CUL5: variants seen among roughly 807,000 people sequenced by gnomAD.
CUL5 encodes cullin-5.
CUL5 carries 26 observed loss-of-function variants against 108.8 expected under a neutral mutation model. The observed-to-expected ratio is 0.24, with a 90% CI of 0.18 to 0.33. The LOEUF (loss-of-function observed/expected upper bound fraction) is 0.33, where lower values mean the gene tolerates loss of function less well. CUL5 is among the 10% of genes least tolerant of loss of function. The pLI, the probability that CUL5 is intolerant of heterozygous loss-of-function variation, is 1.00. For synonymous variants in CUL5, 334 were observed against 298.0 expected (o/e 1.12, Z -1.25); for missense variants, 524 against 909.2 (o/e 0.58, Z 5.45).
At chr11:108,048,770 G>A (rs1472034088) in intron 3 of CUL5, among the ~76,000 whole-genome samples, 5 of 148,190 alleles carry the variant, frequency 3.4e-5, no homozygotes, top group East Asian at 2.0e-4. Flanking sequence ...GGATTCAAGC[G>A]ATTCTCCTGC....
chr11:108,058,422 G>A (rs1049499128), intron 7 of CUL5, among the ~76,000 whole-genome samples: 3 of 150,940 alleles, frequency 2.0e-5, no homozygotes, highest in African/African-American at 4.9e-5. Context: ...CTAATTTTTT[G>A]TATTTTTAGT....
At chr11:108,068,599 T>A (rs1165833711) in intron 7 of CUL5, among the ~76,000 whole-genome samples, 1 of 152,222 alleles carries the variant, frequency 6.6e-6, no homozygotes, top group African/African-American at 2.4e-5. Context: ...AAAAAATTTT[T>A]AAGGGACACA....
At chr11:108,047,514 A>G (rs1243616432) in intron 3 of CUL5, among the ~76,000 whole-genome samples, 1 of 152,342 alleles carries the variant, frequency 6.6e-6, no homozygotes, top group East Asian at 1.9e-4. Flanking sequence ...ATGACTTAAG[A>G]TATTGAAATC....
chr11:108,096,026 G>A (rs1009308236), intron 16 of CUL5, among the ~76,000 whole-genome samples: 1 of 151,004 alleles, frequency 6.6e-6, no homozygotes, highest in Admixed American at 6.6e-5. Flanking sequence ...AATTCAGGAG[G>A]TAGAGGTTGC....
At chr11:108,051,753 C>T (rs1565247432) in intron 4 of CUL5, among the ~76,000 whole-genome samples, 1 of 152,160 alleles carries the variant, frequency 6.6e-6, no homozygotes, top group Non-Finnish European at 1.5e-5. Flanking sequence ...TCTTTACAAA[C>T]ATATGCATAT....
chr11:108,097,852 C>T, intron 17 of CUL5, 98 bp downstream of exon 17: 2 of 654,142 alleles, frequency 3.1e-6, no homozygotes, highest in Non-Finnish European at 2.7e-6. Flanking sequence ...ATATTTAAAA[C>T]ATTATATACT....
chr11:108,013,810 T>G (rs1217871037), intron 1 of CUL5, among the ~76,000 whole-genome samples: 1 of 152,200 alleles, frequency 6.6e-6, no homozygotes, highest in African/African-American at 2.4e-5. Flanking sequence ...GGCTCATGCC[T>G]GTAATCCCAG....
chr11:108,063,760 G>A (rs1387439881), intron 7 of CUL5, among the ~76,000 whole-genome samples: 1 of 151,974 alleles, frequency 6.6e-6, no homozygotes, highest in Non-Finnish European at 1.5e-5. Flanking sequence ...GCCAGCAGTG[G>A]GATTGCTGGA....
chr11:108,060,688 T>A (rs1290185293), intron 7 of CUL5, among the ~76,000 whole-genome samples: 2 of 151,886 alleles, frequency 1.3e-5, no homozygotes, highest in African/African-American at 2.4e-5. Flanking sequence ...ATACAAAAAA[T>A]TACCCGGGCA....
At chr11:108,043,231 A>G (rs1862978632) in intron 2 of CUL5, among the ~76,000 whole-genome samples, 3 of 152,158 alleles carry the variant, frequency 2.0e-5, no homozygotes, top group African/African-American at 7.2e-5. Context: ...CACCATGCCC[A>G]ACTAATTATT....
At chr11:108,065,793 A>C (rs1243067632) in intron 7 of CUL5, among the ~76,000 whole-genome samples, 1 of 152,168 alleles carries the variant, frequency 6.6e-6, no homozygotes, top group African/African-American at 2.4e-5. Flanking sequence ...GTTCTTATGA[A>C]GGTGTTTTTT....
rs143636791 is a variant in CUL5, at chr11:108,052,278, T to A, written c.412-382T>A. Among the ~76,000 whole-genome samples the A allele has an allele frequency of 3.9e-5, 6 of 152,310 alleles. No homozygotes were observed. In the East Asian group the frequency reaches 1.2e-3, roughly 29 times the overall value. On this transcript the variant is annotated intron_variant, in intron 4 of 18. Coordinates refer to ENST00000393094, the MANE Select transcript of CUL5 (RefSeq NM_003478.6). Reference sequence around the variant, plus strand: ...CGCAGTCGACCCTTCTTTACCATTATGCTAAATATACTGCTTCCCCGAAGT... The same window carrying A: ...CGCAGTCGACCCTTCTTTACCATTAAGCTAAATATACTGCTTCCCCGAAGT...
intron 2 of CUL5, among the ~76,000 whole-genome samples, chr11:108,038,135 C>A (rs967527205): frequency 6.6e-6 from 1 of 152,150 alleles, no homozygotes; most frequent in Non-Finnish European, 1.5e-5. Context: ...AGCTTTATTA[C>A]ATTCATGTAT....
At chr11:108,095,062 A>G in intron 15 of CUL5, 75 bp downstream of exon 15, 2 of 1,288,690 alleles carry the variant, frequency 1.6e-6, no homozygotes, top group African/African-American at 1.5e-5. Context: ...AATTGCTTAA[A>G]CAAAATAGAT....
rs1481552126 is a variant in CUL5 at position 108,105,662 on chromosome 11, G to A, written c.*1278G>A. 1.3e-5 allele frequency: 2 copies of A among 152,108 alleles called. No homozygotes were observed. The highest frequency in any genetic ancestry group is 2.9e-5 in the Non-Finnish European group (2 of 67,994). 9.4% of individuals were successfully genotyped at this position (152,108 alleles called of 1,614,324 possible). A position where few individuals can be genotyped will look rare whatever the true frequency, so the allele number is the denominator to read the frequency against. On this transcript the variant is annotated 3_prime_UTR_variant, in exon 19 of 19. Transcript: ENST00000393094. ...AATACCCAGAGTAGTGGAAATTTTA[G>A]GACTTGAGGACGTGAACAACTTGAA... is the stretch of plus-strand genomic sequence containing the variant.
At chr11:108,059,033 G>A (rs755074685) in intron 7 of CUL5, among the ~76,000 whole-genome samples, 7 of 152,208 alleles carry the variant, frequency 4.6e-5, no homozygotes, top group African/African-American at 7.2e-5. Context: ...GCAGAGTCTC[G>A]CTATGTTGCC....
chr11:108,016,510 A>G (rs1166614346), intron 1 of CUL5, among the ~76,000 whole-genome samples: 3 of 152,162 alleles, frequency 2.0e-5, no homozygotes, highest in Admixed American at 2.0e-4. Flanking sequence ...CTGTCCTTCC[A>G]AAGTGCTGGG....
intron 16 of CUL5, among the ~76,000 whole-genome samples, chr11:108,097,032 T>C (rs1864519569): frequency 6.6e-6 from 1 of 152,180 alleles, no homozygotes; most frequent in Non-Finnish European, 1.5e-5. Flanking sequence ...CAGGTTTTTT[T>C]GTTGAGACAG....
Position 108,096,489 on chromosome 11 carries a change from A to T in CUL5, c.1905+798A>T, listed in dbSNP as rs961355039. On this transcript the variant is annotated intron_variant, in intron 16 of 18. Coordinates refer to ENST00000393094, the MANE Select transcript of CUL5 (RefSeq NM_003478.6). ...CAACATAGTGAGACCCATCTCAAAAATTTTTTTTTTTAAAAAAGAGAAAGA... is the reference window on the plus strand; with the variant it reads ...CAACATAGTGAGACCCATCTCAAAATTTTTTTTTTTTAAAAAAGAGAAAGA... Among the ~76,000 whole-genome samples, 10 of 148,302 alleles carry T rather than the reference A, an allele frequency of 6.7e-5. No individual in the cohort carries two copies. The South Asian group carries it at 8.5e-4, about 13-fold the overall frequency.
Sources: gnomAD v4.1 joint callset for allele counts (sites outside exome capture counted in the v4.1 genomes callset) on GRCh38, gnomAD v4.1.1 for gene constraint, MANE v1.5 for transcripts, NCBI Gene and HGNC (gene_info 2026-07-23, HGNC 2026-07-21) for gene names.